ZNF41: variants seen among roughly 807,000 people sequenced by gnomAD.
ZNF41 encodes the protein zinc finger protein 41.
Under a neutral mutation model 9.3 loss-of-function variants are expected in ZNF41, and 6 were observed. The ratio of observed to expected loss-of-function variants is 0.65; its 90% CI spans 0.35 to 1.28. ZNF41 has a LOEUF of 1.28. ZNF41 is among the 50% of genes most tolerant of loss of function. The pLI is 0.03. For synonymous variants in ZNF41, 192 were observed against 207.1 expected, an observed-to-expected ratio of 0.93 and a Z score of 0.63; for missense variants, 523 against 585.8, an observed-to-expected ratio of 0.89 and a Z score of 1.11.
chrX:47,445,729 C>G lies in ZNF41; in HGVS notation c.*1701G>C, dbSNP rs1190777445. 8.9e-6 allele frequency: 1 copy of G among 112,072 alleles called. No individual in the cohort carries two copies. The highest frequency in any genetic ancestry group is 1.9e-5 in the Non-Finnish European group (1 of 53,204). 9.2% of individuals were successfully genotyped at this position (112,072 alleles called of 1,213,427 possible). A position where few individuals can be genotyped will look rare whatever the true frequency, so the allele number is the denominator to read the frequency against. On this transcript the variant is annotated 3_prime_UTR_variant, in exon 5 of 5. Coordinates refer to ENST00000684689, the MANE Select transcript of ZNF41 (RefSeq NM_001324144.2). ...AAGCTGCAAACAACCCAAATGTCTA[C>G]AAACAGTAGAATGGATAAATTATAT... is the stretch of plus-strand genomic sequence containing the variant.
chrX:47,459,742 T>TAAAAAAAAAA (rs768291943), intron 2 of ZNF41, among the ~76,000 whole-genome samples: 1 of 16,162 alleles, frequency 6.2e-5, no homozygotes, highest in African/African-American at 2.5e-4. Context: ...AGACCCTATC[T>TAAAAAAAAAA]AAAAAAAAAA....
intron 1 of ZNF41, among the ~76,000 whole-genome samples, chrX:47,475,887 C>T (rs1484075588): frequency 8.9e-6 from 1 of 111,875 alleles, no homozygotes. Context: ...AAGGATGGAT[C>T]CACATTATAT....
At chrX:47,471,034 T>C (rs186761364) in intron 1 of ZNF41, among the ~76,000 whole-genome samples, 88 of 111,684 alleles carry the variant, frequency 7.9e-4, no homozygotes, top group Non-Finnish European at 9.4e-4. Flanking sequence ...AGTTTTATCA[T>C]TTTAGCTTTC....
chrX:47,475,052 C>T (rs1249458766), intron 1 of ZNF41, among the ~76,000 whole-genome samples: 12 of 100,964 alleles, frequency 1.2e-4, no homozygotes, highest in Non-Finnish European at 2.4e-4. Context: ...TGGTGGTGTG[C>T]GCCTGTAATC....
At chrX:47,469,557 AGGC>A (rs2057114733) in intron 1 of ZNF41, among the ~76,000 whole-genome samples, 1 of 111,173 alleles carries the variant, frequency 9.0e-6, no homozygotes, top group Non-Finnish European at 1.9e-5. Flanking sequence ...GTAGTAAATA[AGGC>A]TGTTACTATT....
At position 47,456,259 on chromosome X, in the gene ZNF41, C is replaced by T. The variant is rs757632116; in HGVS notation, c.199+13G>A. On this transcript the variant is annotated intron_variant, in intron 3 of 4. Transcript: ENST00000684689. The stretch of plus-strand genomic sequence containing the variant: ...TACCCTCATTAGCAGATGCATAGGG[C>T]GGCCGTGCTTACCCACTGAGAGCAG... 15 of 1,208,976 alleles carry T rather than the reference C, an allele frequency of 1.2e-5. No individual in the cohort carries two copies. Among genetic ancestry groups the T allele is most frequent in the African/African-American group, 3.5e-5 (2 of 57,013 alleles).
chrX:47,448,321 A>T lies in ZNF41; in HGVS notation c.1449T>A (p.His483Gln). 3 of 1,211,510 alleles carry T rather than the reference A, an allele frequency of 2.5e-6. No individual in the cohort carries two copies. Among genetic ancestry groups the T allele is most frequent in the Non-Finnish European group, 3.4e-6 (3 of 895,382 alleles). Residue 483 changes from histidine to glutamine, a missense_variant, in exon 5 of 5, where the codon CAT becomes CAA. His to Gln is a conservative substitution (Grantham distance 24, BLOSUM62 0). Transcript: ENST00000684689. ...CTCCGGTGTGAATTCTTTGATGCAC[A>T]TGGAGTTGTGACTTCTTAGTGAAGG... ...GKSFTKKSQL[H>Q]VHQRIHTGEK...
intron 2 of ZNF41, among the ~76,000 whole-genome samples, chrX:47,464,719 G>A (rs2056926646): frequency 9.0e-6 from 1 of 111,336 alleles, no homozygotes; most frequent in African/African-American, 3.3e-5. Flanking sequence ...GAGTGGGGAG[G>A]ACCACATTGT....
chrX:47,447,464 T>C lies in ZNF41; in HGVS notation c.2306A>G (p.His769Arg), dbSNP rs2056153716. Residue 769 changes from histidine (H) to arginine (R), a missense_variant, in exon 5 of 5, where the codon CAT becomes CGT. By Grantham distance (29) the His-to-Arg change is conservative (BLOSUM62 0). Coordinates refer to ENST00000684689, the MANE Select transcript of ZNF41 (RefSeq NM_001324144.2). ...GGCTTTATAGCGTTTTTCTCCACTA[T>C]GCATTTTCTGGTGTTTAATGAGATT... Reference protein sequence around the residue: ...RSNLIKHQKMHSGEKRYKASD With the variant: ...RSNLIKHQKMRSGEKRYKASD 1 of 1,209,908 alleles carries C rather than the reference T, an allele frequency of 8.3e-7. No individual in the cohort carries two copies. Among genetic ancestry groups the C allele is most frequent in the South Asian group, 1.8e-5 (1 of 56,858 alleles).
At chrX:47,480,102 A>G (rs995968003) in intron 1 of ZNF41, among the ~76,000 whole-genome samples, 1 of 111,559 alleles carries the variant, frequency 9.0e-6, no homozygotes, top group Non-Finnish European at 1.9e-5. Flanking sequence ...CATCTCAAAA[A>G]AAAAAGAAGA....
chrX:47,462,151 C>A (rs925351429), intron 2 of ZNF41, among the ~76,000 whole-genome samples: 2 of 108,345 alleles, frequency 1.8e-5, no homozygotes, highest in Admixed American at 9.8e-5. Flanking sequence ...ACAGGTGCAC[C>A]CCACCATGCC....
At chrX:47,468,684 T>G (rs899184911) in intron 1 of ZNF41, among the ~76,000 whole-genome samples, 56 of 111,225 alleles carry the variant, frequency 5.0e-4, no homozygotes, top group African/African-American at 1.8e-3. Flanking sequence ...ATAACCAATG[T>G]CCATAGGTCC....
At position 47,467,380 on chromosome X, in the gene ZNF41, T is replaced by A. The variant is rs374307908; in HGVS notation, c.72+30A>T. The A allele has an allele frequency of 3.2e-5, 37 of 1,171,404 alleles. No homozygotes were observed. The African/African-American group carries it at 6.0e-4, about 19-fold the overall frequency. ...CAGGGTATCTCTTCACTGAATGAAT[T>A]CTTGCCTCTGGGGTCCTCTCCCTCC... On this transcript the variant is annotated intron_variant, in intron 2 of 4. Coordinates refer to ENST00000684689, the MANE Select transcript of ZNF41 (RefSeq NM_001324144.2).
Position 47,455,991 on chromosome X carries a change from A to G in ZNF41, c.225T>C (p.Ala75=), listed in dbSNP as rs1251777231. 1 of 1,211,688 alleles carries G rather than the reference A, an allele frequency of 8.3e-7. No homozygotes were observed. Among genetic ancestry groups the G allele is most frequent in the Admixed American group, 2.2e-5 (1 of 45,973 alleles). The change falls in exon 4 of 5, where the codon GCT becomes GCC. Residue 75 remains alanine (A), a synonymous_variant. Transcript: ENST00000684689. ...CCTCTCCTTGCTCCAACTTGAAGGC[A>G]GCCTCTGACTTGGGAATTTGGTACC... ...SVGYQIPKSE[A]AFKLEQGEGP...
chrX:47,456,574 C>G, intron 2 of ZNF41, 176 bp from the exon 3 acceptor site: 1 of 598,550 alleles, frequency 1.7e-6, no homozygotes. Context: ...AGTATCTTGA[C>G]ATTTGTTGTG....
rs148585367 is a variant in ZNF41 at position 47,449,180 on chromosome X, T to C, written c.590A>G (p.Lys197Arg). 6,145 of 1,209,736 alleles carry C rather than the reference T, an allele frequency of 5.1e-3. 19 individuals are homozygous for C. Among genetic ancestry groups the C allele is most frequent in the Non-Finnish European group, 6.3e-3 (5,682 of 895,047 alleles). ...KRLHNCDTIL[K>R]HTLNSHNHNR... ...ATGATTATGTGAGTTTAAAGTATGC[T>C]TCAAAATTGTGTCACAGTTATGGAG... is the stretch of plus-strand genomic sequence containing the variant. Residue 197 changes from lysine (K) to arginine (R), a missense_variant, in exon 5 of 5, where the codon AAG (lysine) becomes AGG (arginine). Transcript: ENST00000684689.
chrX:47,477,705 T>C (rs2057372594), intron 1 of ZNF41, among the ~76,000 whole-genome samples: 1 of 112,025 alleles, frequency 8.9e-6, no homozygotes, highest in African/African-American at 3.2e-5. Context: ...CACATAAAAC[T>C]TGTATTAAAT....
In ZNF41 at chrX:47,446,659, T is replaced by C. The variant is rs1482406804; in HGVS notation, c.*771A>G. ...TTCTTATAGGGTATGACTCATCTGC[T>C]CTCCCAGCAGGGAATTAATAATGAG... On this transcript the variant is annotated 3_prime_UTR_variant, in exon 5 of 5. Transcript: ENST00000684689. 1.8e-5 allele frequency: 2 copies of C among 110,630 alleles called. No individual in the cohort carries two copies. The highest frequency in any genetic ancestry group is 6.6e-5 in the African/African-American group (2 of 30,427). The allele number at this position is 110,630 out of a possible 1,213,427, so 9.1% of individuals were successfully genotyped here.
chrX:47,461,887 T>TTAAATTGC (rs1366667375), intron 2 of ZNF41, among the ~76,000 whole-genome samples: 1 of 105,735 alleles, frequency 9.5e-6, no homozygotes, highest in African/African-American at 3.5e-5. Flanking sequence ...TTTTAAATTT[T>TTAAATTGC]ATTTTTACTT....
Sources: allele counts gnomAD v4.1 joint callset (sites outside exome capture counted in the v4.1 genomes callset), GRCh38; gene constraint gnomAD v4.1.1; transcripts MANE v1.5; gene names NCBI Gene and HGNC (gene_info 2026-07-23, HGNC 2026-07-21).